The following CDH2 variants were observed in gnomAD, a reference collection of about 807,000 sequenced individuals.
CDH2 encodes cadherin 2.
A neutral mutation model predicts 92.0 loss-of-function variants in CDH2; 17 were observed. That is an observed-to-expected ratio of 0.18 (90% CI 0.13 to 0.28). CDH2 has a LOEUF of 0.28. CDH2 is among the 10% of genes least tolerant of loss of function. The pLI is 1.00. For synonymous variants in CDH2, 419 were observed against 415.9 expected, an observed-to-expected ratio of 1.01 and a Z score of -0.09; for missense variants, 862 against 1,133.1, an observed-to-expected ratio of 0.76 and a Z score of 3.44.
intron 2 of CDH2, among the ~76,000 whole-genome samples, chr18:28,048,324 T>C (rs541701971): frequency 3.0e-4 from 45 of 152,218 alleles, no homozygotes; most frequent in Non-Finnish European, 4.3e-4. Flanking sequence ...TGCTAAATAT[T>C]AAAAGGGAGG....
intron 15 of CDH2, among the ~76,000 whole-genome samples, chr18:27,958,106 C>T (rs534847959): frequency 5.3e-5 from 8 of 152,132 alleles, no homozygotes; most frequent in Admixed American, 2.0e-4. Flanking sequence ...TTACTATTCC[C>T]ATTTTACAAA....
At chr18:27,995,844 A>C (rs569008941) in intron 7 of CDH2, among the ~76,000 whole-genome samples, 10 of 152,306 alleles carry the variant, frequency 6.6e-5, no homozygotes, top group Admixed American at 6.5e-4. Flanking sequence ...AAATAATGTC[A>C]TCTCCATTTT....
intron 2 of CDH2, among the ~76,000 whole-genome samples, chr18:28,120,310 G>A (rs1276217121): frequency 6.6e-6 from 1 of 151,796 alleles, no homozygotes. Context: ...TTTTCAGATG[G>A]CATATCATTT....
chr18:28,097,321 A>G (rs1393440435), intron 2 of CDH2: 1 of 151,982 alleles, frequency 6.6e-6, no homozygotes, highest in Non-Finnish European at 1.5e-5. Context: ...CTACACACAT[A>G]TGGTTACAAT....
At chr18:27,939,887 G>A (rs1277655671) in intron 6 of CDH2, among the ~76,000 whole-genome samples, 1 of 152,090 alleles carries the variant, frequency 6.6e-6, no homozygotes, top group Non-Finnish European at 1.5e-5. Flanking sequence ...CTCTTCTAGG[G>A]TTGCCTCCCA....
At chr18:27,976,456 G>A (rs980830891) in intron 14 of CDH2, among the ~76,000 whole-genome samples, 2 of 152,194 alleles carry the variant, frequency 1.3e-5, no homozygotes, top group East Asian at 3.9e-4. Flanking sequence ...GGATGGGAGA[G>A]CCTTCTGACA....
chr18:28,055,708 A>C (rs1223538051), intron 2 of CDH2, among the ~76,000 whole-genome samples: 1 of 152,224 alleles, frequency 6.6e-6, no homozygotes, highest in Non-Finnish European at 1.5e-5. Flanking sequence ...ATGTCTGAGT[A>C]ATTTTAAGTA....
intron 2 of CDH2, among the ~76,000 whole-genome samples, chr18:28,022,221 T>G (rs1325077590): frequency 6.6e-6 from 1 of 152,026 alleles, no homozygotes; most frequent in Non-Finnish European, 1.5e-5. Flanking sequence ...TTAGTTGCCA[T>G]GTCAGGGCTT....
At chr18:27,989,650 A>G (rs548063907) in intron 10 of CDH2, among the ~76,000 whole-genome samples, 7 of 152,266 alleles carry the variant, frequency 4.6e-5, no homozygotes, top group Admixed American at 1.3e-4. Context: ...CATAAGTCCA[A>G]TAACTACTGT....
At chr18:28,119,962 A>T (rs2015559533) in intron 2 of CDH2, among the ~76,000 whole-genome samples, 1 of 152,056 alleles carries the variant, frequency 6.6e-6, no homozygotes, top group Non-Finnish European at 1.5e-5. Context: ...CAATGAAGGA[A>T]TCGGGATCCC....
At chr18:28,051,163 T>C (rs1385098302) in intron 2 of CDH2, among the ~76,000 whole-genome samples, 1 of 152,220 alleles carries the variant, frequency 6.6e-6, no homozygotes, top group Non-Finnish European at 1.5e-5. Flanking sequence ...CCAGGTATTA[T>C]ATTATTGTTA....
At chr18:28,174,751 T>A (rs962709843) in intron 1 of CDH2, among the ~76,000 whole-genome samples, 4 of 152,332 alleles carry the variant, frequency 2.6e-5, no homozygotes, top group African/African-American at 7.2e-5. Context: ...TTTCCCACAG[T>A]ATTCATGACC....
intron 3 of CDH2, among the ~76,000 whole-genome samples, chr18:28,012,748 A>G (rs537834878): frequency 7.4e-4 from 113 of 152,316 alleles, no homozygotes; most frequent in African/African-American, 2.5e-3. Flanking sequence ...AACAGTTAAT[A>G]GATTAACAAA....
chr18:28,054,852 A>AT (rs909844830), intron 2 of CDH2, among the ~76,000 whole-genome samples: 9 of 151,988 alleles, frequency 5.9e-5, no homozygotes, highest in Non-Finnish European at 1.3e-4. Flanking sequence ...ATACTCCTAA[A>AT]TTTTTTCTTG....
intron 1 of CDH2, among the ~76,000 whole-genome samples, chr18:28,152,169 G>C (rs2016133493): frequency 6.6e-6 from 1 of 152,102 alleles, no homozygotes; most frequent in African/African-American, 2.4e-5. Flanking sequence ...CCCTTAAGAG[G>C]GGGTTAAACT....
intron 14 of CDH2, among the ~76,000 whole-genome samples, chr18:27,964,046 T>C (rs1941179): frequency 0.97 from 148,184 of 152,240 alleles, 72,242 homozygotes; most frequent in Middle Eastern, 1. Flanking sequence ...TTCTCTAAGA[T>C]TAGCTTTTAC....
At chr18:27,980,881 A>G (rs1432210416) in intron 14 of CDH2, among the ~76,000 whole-genome samples, 1 of 152,072 alleles carries the variant, frequency 6.6e-6, no homozygotes, top group Admixed American at 6.6e-5. Flanking sequence ...TTATGATATT[A>G]TTTTAACAAA....
chr18:28,056,385 T>C (rs2014293704), intron 2 of CDH2, among the ~76,000 whole-genome samples: 1 of 152,162 alleles, frequency 6.6e-6, no homozygotes, highest in Non-Finnish European at 1.5e-5. Context: ...TAACAGGAAA[T>C]GGTAAAAGGC....
intron 4 of CDH2, among the ~76,000 whole-genome samples, chr18:28,010,485 T>C (rs982726664): frequency 3.9e-5 from 6 of 152,082 alleles, no homozygotes; most frequent in African/African-American, 1.4e-4. Flanking sequence ...TCGCAAACAT[T>C]ATATCATTAT....
Sources: allele counts gnomAD v4.1 joint callset (sites outside exome capture counted in the v4.1 genomes callset), GRCh38; gene constraint gnomAD v4.1.1; transcripts MANE v1.5; gene names NCBI Gene and HGNC (gene_info 2026-07-23, HGNC 2026-07-21).